The following LIMS1 variants were observed in gnomAD, a reference collection of about 807,000 sequenced individuals.
The protein encoded by LIMS1 is LIM and senescent cell antigen-like-containing domain protein 1.
Under a neutral mutation model 44.1 loss-of-function variants are expected in LIMS1, and 18 were observed. The observed-to-expected ratio is 0.41, with a 90% CI of 0.28 to 0.61. The LOEUF (loss-of-function observed/expected upper bound fraction) is 0.61. LIMS1 is among the 20% of genes least tolerant of loss of function. LIMS1 has a pLI of 0.32. For missense variants in LIMS1, 201 were observed against 422.0 expected (o/e 0.48, Z 4.59); for synonymous variants, 93 against 149.1 (o/e 0.62, Z 2.74).
chr2:108,571,987 T>G lies in LIMS1; in HGVS notation c.32+37393T>G, dbSNP rs1366770495. 2.0e-5 allele frequency among the ~76,000 whole-genome samples: 3 copies of G among 152,202 alleles called. No homozygotes were observed. The East Asian group carries it at 5.8e-4, about 29-fold the overall frequency. ...TTTAAAAAGGATGGGTAAGGGGATG[T>G]TCTGTTGGAAAATATGCATTTAGTG... On this transcript the variant is annotated intron_variant, in intron 1 of 9. Transcript: ENST00000544547.
At chr2:108,650,001 A>G (rs545449184) in intron 1 of LIMS1, among the ~76,000 whole-genome samples, 5 of 152,300 alleles carry the variant, frequency 3.3e-5, no homozygotes, top group African/African-American at 1.2e-4. Context: ...AAAAAAAAGA[A>G]AAACGCCCTT....
chr2:108,589,414 A>G (rs1417172156), intron 1 of LIMS1, among the ~76,000 whole-genome samples: 1 of 152,212 alleles, frequency 6.6e-6, no homozygotes, highest in African/African-American at 2.4e-5. Context: ...ACTTTGCTGT[A>G]CAATAGATCA....
chr2:108,633,626 TAA>T (rs1689052629), intron 1 of LIMS1, among the ~76,000 whole-genome samples: 1 of 152,212 alleles, frequency 6.6e-6, no homozygotes, highest in Admixed American at 6.5e-5. Context: ...TGAGCTGCCA[TAA>T]AAGAGATTGT....
At chr2:108,578,200 C>T (rs1232124003) in intron 1 of LIMS1, among the ~76,000 whole-genome samples, 6 of 152,180 alleles carry the variant, frequency 3.9e-5, no homozygotes, top group Non-Finnish European at 8.8e-5. Context: ...TGAGCCACCG[C>T]GCCCAGCCTG....
At chr2:108,551,367 A>G (rs1044311037) in intron 1 of LIMS1, among the ~76,000 whole-genome samples, 17 of 146,722 alleles carry the variant, frequency 1.2e-4, no homozygotes, top group African/African-American at 4.0e-4. Context: ...TATGTATTAT[A>G]TATTTATATA....
chr2:108,589,007 T>C (rs1017791094), intron 1 of LIMS1, among the ~76,000 whole-genome samples: 5 of 152,230 alleles, frequency 3.3e-5, no homozygotes, highest in African/African-American at 1.2e-4. Flanking sequence ...AGTAATGCTT[T>C]TGGCATTTTA....
At chr2:108,642,602 G>A (rs941221593) in intron 1 of LIMS1, among the ~76,000 whole-genome samples, 5 of 151,840 alleles carry the variant, frequency 3.3e-5, no homozygotes, top group Admixed American at 1.3e-4. Flanking sequence ...CTCGTGATCC[G>A]CCCGCCTCGG....
At chr2:108,607,380 G>A in intron 1 of LIMS1, 2 of 930,810 alleles carry the variant, frequency 2.1e-6, no homozygotes, top group Non-Finnish European at 1.7e-6. Context: ...ACATATAGAA[G>A]TGATTTTTAC....
intron 3 of LIMS1, among the ~76,000 whole-genome samples, chr2:108,671,341 T>C (rs1388913974): frequency 2.0e-5 from 3 of 152,150 alleles, no homozygotes; most frequent in African/African-American, 7.2e-5. Context: ...CTAGAGATCA[T>C]TGATTTTTAA....
intron 1 of LIMS1, among the ~76,000 whole-genome samples, chr2:108,563,734 T>C (rs1685200195): frequency 6.6e-6 from 1 of 152,084 alleles, no homozygotes; most frequent in African/African-American, 2.4e-5. Flanking sequence ...AGTAAAGCAA[T>C]GGCAGGGTTT....
chr2:108,566,096 C>T (rs1423239659), intron 1 of LIMS1, among the ~76,000 whole-genome samples: 1 of 152,160 alleles, frequency 6.6e-6, no homozygotes, highest in African/African-American at 2.4e-5. Flanking sequence ...TTTCATGTCT[C>T]TGTGAAGTAA....
At chr2:108,652,362 AAAC>A (rs1159447526) in intron 1 of LIMS1, among the ~76,000 whole-genome samples, 20 of 152,266 alleles carry the variant, frequency 1.3e-4, no homozygotes, top group African/African-American at 4.6e-4. Context: ...ACGTGGCAGT[AAAC>A]AAGAGCAAAC....
intron 1 of LIMS1, among the ~76,000 whole-genome samples, chr2:108,612,009 T>TATATACATATATTATATATACACACAG (rs1687668916): frequency 7.6e-6 from 1 of 132,426 alleles, no homozygotes; most frequent in Non-Finnish European, 1.6e-5. Context: ...TATACACACA[T>TATATACATATATTATATATACACACAG]ATATATATAC....
rs188829617 is a variant in LIMS1 at position 108,635,191 on chromosome 2, G to A, written c.33-24414G>A. 3.9e-3 allele frequency among the ~76,000 whole-genome samples: 596 copies of A among 152,320 alleles called. 3 individuals are homozygous for A. Among genetic ancestry groups the A allele is most frequent in the Non-Finnish European group, 7.0e-3 (478 of 68,032 alleles). ...CACGCCTGTAACCCCAGCACTTTGG[G>A]AGGCCCAGGCGGGTGGATCACCTGA... On this transcript the variant is annotated intron_variant, in intron 1 of 9. Transcript: ENST00000544547.
At chr2:108,602,917 C>T (rs1039378087) in intron 1 of LIMS1, among the ~76,000 whole-genome samples, 8 of 152,128 alleles carry the variant, frequency 5.3e-5, no homozygotes, top group African/African-American at 7.2e-5. Flanking sequence ...AGGCATGTGC[C>T]ACCATGCCTG....
chr2:108,593,649 A>C (rs1686519013), intron 1 of LIMS1, among the ~76,000 whole-genome samples: 1 of 152,216 alleles, frequency 6.6e-6, no homozygotes. Flanking sequence ...GAAGGAGAAA[A>C]TAGTATCATC....
At chr2:108,625,501 C>T (rs1306799574) in intron 1 of LIMS1, among the ~76,000 whole-genome samples, 1 of 152,156 alleles carries the variant, frequency 6.6e-6, no homozygotes, top group Non-Finnish European at 1.5e-5. Flanking sequence ...GCCCTCCTCA[C>T]TCTCTCACCT....
intron 1 of LIMS1, among the ~76,000 whole-genome samples, chr2:108,639,487 C>G (rs1320482566): frequency 6.6e-6 from 1 of 152,246 alleles, no homozygotes; most frequent in Non-Finnish European, 1.5e-5. Context: ...AAGTCTCGCT[C>G]TATCGCCCAG....
At chr2:108,533,909 C>G (rs1446065873), upstream of LIMS1, 1 of 152,958 alleles carries the variant, frequency 6.5e-6, no homozygotes. Context: ...TCCCGGAAGC[C>G]CGGCCTGCCC....
Sources: gnomAD v4.1 joint callset for allele counts (sites outside exome capture counted in the v4.1 genomes callset) on GRCh38, gnomAD v4.1.1 for gene constraint, MANE v1.5 for transcripts, NCBI Gene and HGNC (gene_info 2026-07-23, HGNC 2026-07-21) for gene names.